The following RNF32 variants were observed in gnomAD, a reference collection of about 807,000 sequenced individuals.
The protein encoded by RNF32 is ring finger protein 32.
RNF32 carries 36 observed loss-of-function variants against 41.0 expected under a neutral mutation model. The observed-to-expected ratio is 0.88, with a 90% CI of 0.67 to 1.16. The LOEUF (loss-of-function observed/expected upper bound fraction) is 1.16, where lower values mean the gene tolerates loss of function less well. Ranked by LOEUF, RNF32 falls within the 50% of genes most tolerant of loss-of-function variation. RNF32 has a pLI of 0.00. For missense variants in RNF32, 413 were observed against 436.7 expected (o/e 0.95, Z 0.48); for synonymous variants, 154 against 160.9 (o/e 0.96, Z 0.32).
At chr7:156,671,322 C>T (rs1311365719) in intron 7 of RNF32, among the ~76,000 whole-genome samples, 1 of 152,084 alleles carries the variant, frequency 6.6e-6, no homozygotes, top group African/African-American at 2.4e-5. Flanking sequence ...CCTGAAAACG[C>T]GAACAGTGTG....
intron 7 of RNF32, among the ~76,000 whole-genome samples, chr7:156,666,580 G>A (rs1801369665): frequency 1.3e-5 from 2 of 152,346 alleles, no homozygotes; most frequent in Middle Eastern, 3.4e-3. Flanking sequence ...CCTTAGGTAA[G>A]TGTCAGAGAA....
chr7:156,655,232 C>G (rs536460055), intron 4 of RNF32, among the ~76,000 whole-genome samples: 6 of 146,512 alleles, frequency 4.1e-5, no homozygotes, highest in African/African-American at 1.5e-4. Context: ...ATAATATACA[C>G]GCGCGCGCAC....
chr7:156,668,472 G>A (rs1400790111), intron 7 of RNF32, among the ~76,000 whole-genome samples: 1 of 152,222 alleles, frequency 6.6e-6, no homozygotes, highest in Non-Finnish European at 1.5e-5. Flanking sequence ...GTTGAGGGGA[G>A]GCGGGTGGAG....
In RNF32 at chr7:156,676,595, T is replaced by C; in HGVS notation, c.1029T>C (p.Pro343=). The change falls in exon 9 of 9, where the codon CCT becomes CCC. Residue 343 remains proline (P), a synonymous_variant. Transcript: ENST00000317955. ...ALEEFSVGDR[P]PFHACPLCRS... The stretch of plus-strand genomic sequence containing the variant: ...AGGAGTTCTCCGTGGGAGACAGGCC[T>C]CCTTTCCATGCCTGTCCTCTCTGCC... 2 of 1,614,236 alleles carry C rather than the reference T, an allele frequency of 1.2e-6. No homozygotes were observed. The highest frequency in any genetic ancestry group is 1.7e-6 in the Non-Finnish European group (2 of 1,180,046).
At position 156,658,259 on chromosome 7, in the gene RNF32, A is replaced by G. The variant is rs2131502364; in HGVS notation, c.575+7A>G. On this transcript the variant is annotated splice_region_variant and intron_variant, in intron 6 of 8. Coordinates refer to ENST00000317955, the MANE Select transcript of RNF32 (RefSeq NM_030936.4). The stretch of plus-strand genomic sequence containing the variant: ...GAATCAAGTGTGTGACCAGGTGAGG[A>G]CGCCAGGCCCGTTTGGCGCTAAGCA... 6.2e-7 allele frequency: 1 copy of G among 1,612,708 alleles called. No individual in the cohort carries two copies. Among genetic ancestry groups the G allele is most frequent in the East Asian group, 2.2e-5 (1 of 44,880 alleles).
intron 3 of RNF32, among the ~76,000 whole-genome samples, chr7:156,646,783 T>C (rs559215867): frequency 8.1e-4 from 124 of 152,354 alleles, no homozygotes; most frequent in Non-Finnish European, 1.3e-3. Flanking sequence ...CAGAGGTCTT[T>C]TGATAGCTCA....
chr7:156,671,898 T>C (rs1415027382), intron 7 of RNF32, among the ~76,000 whole-genome samples: 1 of 152,176 alleles, frequency 6.6e-6, no homozygotes, highest in Non-Finnish European at 1.5e-5. Context: ...CTAAATAACG[T>C]ATTAATCGAA....
At chr7:156,659,433 C>T (rs999661722) in intron 7 of RNF32, 5 of 985,356 alleles carry the variant, frequency 5.1e-6, no homozygotes, top group East Asian at 1.1e-4. Flanking sequence ...CCGCCATGCA[C>T]GATTGCGTCA....
chr7:156,669,758 C>T lies in RNF32; in HGVS notation c.685-5938C>T, dbSNP rs1258179431. On this transcript the variant is annotated intron_variant, in intron 7 of 8. Coordinates refer to ENST00000317955, the MANE Select transcript of RNF32 (RefSeq NM_030936.4). The surrounding 1 kb of genome is among the most constrained non-coding windows in gnomAD (Gnocchi z 4.2). ...GGGAGAAGGGGCCATGGCTGGGCCC[C>T]TCCAGCACAGGCGCTTCCTGGGAGC... is the stretch of plus-strand genomic sequence containing the variant. Among the ~76,000 whole-genome samples, 2 of 152,210 alleles carry T rather than the reference C, an allele frequency of 1.3e-5. No individual in the cohort carries two copies. Among genetic ancestry groups the T allele is most frequent in the African/African-American group, 2.4e-5 (1 of 41,462 alleles).
chr7:156,659,964 G>A (rs1036098941), intron 7 of RNF32: 3 of 985,360 alleles, frequency 3.0e-6, no homozygotes, highest in African/African-American at 1.7e-5. Flanking sequence ...GTCTCCCACA[G>A]AGAGATGGAA....
intron 7 of RNF32, among the ~76,000 whole-genome samples, chr7:156,673,230 T>C (rs1376111547): frequency 2.0e-5 from 3 of 152,218 alleles, no homozygotes; most frequent in African/African-American, 7.2e-5. Context: ...AGGTATAATT[T>C]TGAAGGAAGA....
At chr7:156,646,194 C>T (rs1011980306) in intron 3 of RNF32, among the ~76,000 whole-genome samples, 4 of 152,188 alleles carry the variant, frequency 2.6e-5, no homozygotes, top group African/African-American at 9.7e-5. Flanking sequence ...TAAGGATATT[C>T]GTTTCCCAGT....
intron 2 of RNF32, 116 bp downstream of exon 2, chr7:156,644,008 A>G (rs961794443): frequency 1.0e-5 from 9 of 892,578 alleles, no homozygotes; most frequent in South Asian, 1.5e-5. Flanking sequence ...AGGAATTGTC[A>G]GCAGGAATGG....
At chr7:156,672,283 G>T (rs1802710147) in intron 7 of RNF32, among the ~76,000 whole-genome samples, 1 of 152,222 alleles carries the variant, frequency 6.6e-6, no homozygotes, top group Middle Eastern at 3.4e-3. Flanking sequence ...GGGTTTAAAG[G>T]CAGGGTGTGA....
chr7:156,675,614 T>C, intron 7 of RNF32, 82 bp from the exon 8 acceptor site: 1 of 1,185,626 alleles, frequency 8.4e-7, no homozygotes, highest in Non-Finnish European at 1.2e-6. Flanking sequence ...GTTACCAAAA[T>C]AGATGGTCAG....
chr7:156,644,385 A>G, intron 2 of RNF32, 114 bp from the exon 3 acceptor site: 1 of 780,780 alleles, frequency 1.3e-6, no homozygotes, highest in Non-Finnish European at 2.2e-6. Flanking sequence ...AGCATTCCTT[A>G]CTATTTGATT....
chr7:156,668,130 C>T (rs182291717), intron 7 of RNF32, among the ~76,000 whole-genome samples: 1 of 152,282 alleles, frequency 6.6e-6, no homozygotes, highest in South Asian at 2.1e-4. Flanking sequence ...TGGTGCTTCC[C>T]TGAATCTAAG....
chr7:156,675,684 C>T lies in RNF32; in HGVS notation c.685-12C>T, dbSNP rs2886381. ...TCAGGTGTGAGCTTACCCGCCCCCG[C>T]CTCCTCCTCAGTTCACAGAAATCAG... On this transcript the variant is annotated splice_polypyrimidine_tract_variant and intron_variant, in intron 7 of 8. Transcript: ENST00000317955. 2.6e-3 allele frequency: 4,108 copies of T among 1,599,852 alleles called. 87 individuals are homozygous for T. The African/African-American group carries it at 0.045, about 17-fold the overall frequency.
chr7:156,657,489 AT>A, intron 4 of RNF32, 51 bp from the exon 5 acceptor site: 2 of 1,583,292 alleles, frequency 1.3e-6, no homozygotes, highest in Non-Finnish European at 1.7e-6. Context: ...TGTTGGATAC[AT>A]GCTGCTTCTC....
Sources: allele counts gnomAD v4.1 joint callset (sites outside exome capture counted in the v4.1 genomes callset), GRCh38; gene constraint gnomAD v4.1.1; non-coding constraint Gnocchi (gnomAD v3.1); transcripts MANE v1.5; gene names NCBI Gene and HGNC (gene_info 2026-07-23, HGNC 2026-07-21).